DCTN4: variants seen among roughly 807,000 people sequenced by gnomAD.
The protein encoded by DCTN4 is dynactin subunit 4.
Under a neutral mutation model 62.7 loss-of-function variants are expected in DCTN4, and 23 were observed. That is an observed-to-expected ratio of 0.37 (90% CI 0.26 to 0.52). The LOEUF is 0.52. DCTN4 is among the 20% of genes least tolerant of loss of function. The pLI is 0.92. For synonymous variants in DCTN4, 199 were observed against 202.1 expected (o/e 0.98, Z 0.13); for missense variants, 514 against 580.4 (o/e 0.89, Z 1.18).
At position 150,731,442 on chromosome 5, in the gene DCTN4, T is replaced by A. The variant is rs1760365311; in HGVS notation, c.585A>T (p.Ala195=). 1 of 1,613,940 alleles carries A rather than the reference T, an allele frequency of 6.2e-7. No individual in the cohort carries two copies. The part of the protein sequence containing the change: ...GTRLQRPRAG[A]SISTLAGLSL... The stretch of plus-strand genomic sequence containing the variant: ...AAAGTCCGGCAAGGGTACTGATGGA[T>A]GCACCAGCTCGTGGTCGCTGAAGCC... The change falls in exon 6 of 13, where the codon GCA becomes GCT. Residue 195 remains alanine, a synonymous_variant. Coordinates refer to ENST00000447998, the MANE Select transcript of DCTN4 (RefSeq NM_016221.4).
chr5:150,733,381 G>A lies in DCTN4; in HGVS notation c.524C>T (p.Pro175Leu). The change falls in exon 5 of 13, where the codon CCT (proline) becomes CTT (leucine). Residue 175 changes from proline to leucine, a missense_variant. Coordinates refer to ENST00000447998, the MANE Select transcript of DCTN4 (RefSeq NM_016221.4). ...KKLARRRNYM[P>L]LAFSDKYGLG... Reference sequence around the variant, plus strand: ...CCAAATTCTCACCGAAAAAGCCAGAGGCATATAGTTTCTACGTCGTGCCAG... The same window carrying A: ...CCAAATTCTCACCGAAAAAGCCAGAAGCATATAGTTTCTACGTCGTGCCAG... 6.2e-7 allele frequency: 1 copy of A among 1,613,296 alleles called. No homozygotes were observed. The highest frequency in any genetic ancestry group is 8.5e-7 in the Non-Finnish European group (1 of 1,179,534).
chr5:150,746,157 C>T (rs1336623688), intron 3 of DCTN4, among the ~76,000 whole-genome samples: 2 of 151,768 alleles, frequency 1.3e-5, no homozygotes, highest in East Asian at 1.9e-4. Flanking sequence ...GAGAATACTA[C>T]AAACACCTCT....
chr5:150,713,445 CTTTT>C (rs371366897), intron 12 of DCTN4, among the ~76,000 whole-genome samples: 1 of 135,578 alleles, frequency 7.4e-6, no homozygotes, highest in Admixed American at 7.3e-5. Context: ...CTTTTCTTTT[CTTTT>C]TTTTTTTTTT....
At chr5:150,758,815 C>A in intron 1 of DCTN4, 44 bp downstream of exon 1, 1 of 1,598,100 alleles carries the variant, frequency 6.3e-7, no homozygotes. Flanking sequence ...ATGAACGCCG[C>A]GCCCCCCCCA....
intron 1 of DCTN4, chr5:150,758,250 G>A: frequency 1.0e-6 from 1 of 985,570 alleles, no homozygotes; most frequent in Non-Finnish European, 1.2e-6. Flanking sequence ...GCCCACTTGT[G>A]CCAGGGAAGG....
At chr5:150,731,546 CA>C in intron 5 of DCTN4, 57 bp from the exon 6 acceptor site, 12 of 1,399,602 alleles carry the variant, frequency 8.6e-6, no homozygotes, top group Non-Finnish European at 1.2e-5. Context: ...CCCTATTTAT[CA>C]AAAGAAAGAA....
At chr5:150,721,107 G>A (rs1247339303) in intron 9 of DCTN4, among the ~76,000 whole-genome samples, 1 of 152,240 alleles carries the variant, frequency 6.6e-6, no homozygotes, top group Non-Finnish European at 1.5e-5. Flanking sequence ...GACGAGGGAA[G>A]TATGTTTAGA....
At position 150,759,010 on chromosome 5, in the gene DCTN4, G is replaced by A. The variant is rs759532125; in HGVS notation, c.-17C>T. The A allele has an allele frequency of 2.8e-5, 45 of 1,611,942 alleles. 1 individual carries two copies. The highest frequency in any genetic ancestry group is 1.3e-4 in the African/African-American group (10 of 74,866). On this transcript the variant is annotated 5_prime_UTR_variant, in exon 1 of 13. Transcript: ENST00000447998. ...GGACGCCATCTTGGGGAGGGAGGAG[G>A]CGATGACGCTCCCGGCGCATCACGT...
intron 8 of DCTN4, among the ~76,000 whole-genome samples, chr5:150,729,373 A>C (rs186099684): frequency 9.9e-5 from 15 of 152,076 alleles, no homozygotes; most frequent in Non-Finnish European, 2.1e-4. Flanking sequence ...ACTTGAATCT[A>C]TGCTCTCAGG....
Position 150,756,416 on chromosome 5 carries a change from C to T in DCTN4, c.206+1G>A. 6.3e-7 allele frequency: 1 copy of T among 1,587,600 alleles called. No homozygotes were observed. Among genetic ancestry groups the T allele is most frequent in the Non-Finnish European group, 8.6e-7 (1 of 1,168,644 alleles). On this transcript the variant is annotated splice_donor_variant, in intron 2 of 12. Coordinates refer to ENST00000447998, the MANE Select transcript of DCTN4 (RefSeq NM_016221.4). LOFTEE classifies it high-confidence loss of function. ...AAAAAAAAAATCAGTCCAGGTCTTA[C>T]CTATTCTTTTTTAGTTTGGCTTCAG...
chr5:150,715,785 T>C (rs1759737031), intron 11 of DCTN4, 123 bp from the exon 12 acceptor site: 2 of 707,370 alleles, frequency 2.8e-6, no homozygotes, highest in East Asian at 2.7e-5. Context: ...ATACTACTTC[T>C]ATGGAGTTTA....
chr5:150,750,432 T>G (rs758751687), intron 3 of DCTN4, among the ~76,000 whole-genome samples: 1 of 152,196 alleles, frequency 6.6e-6, no homozygotes, highest in African/African-American at 2.4e-5. Context: ...TGTACACAAC[T>G]TATGACTGGC....
At chr5:150,751,247 A>G (rs2113141964) in intron 3 of DCTN4, among the ~76,000 whole-genome samples, 1 of 152,266 alleles carries the variant, frequency 6.6e-6, no homozygotes, top group East Asian at 1.9e-4. Flanking sequence ...TGAGATACCA[A>G]TGACATCAAG....
chr5:150,753,422 G>A (rs1488942138), intron 3 of DCTN4, 57 bp downstream of exon 3: 1 of 1,485,064 alleles, frequency 6.7e-7, no homozygotes, highest in Admixed American at 1.8e-5. Context: ...ATAATCTATG[G>A]GCAATTATAG....
chr5:150,722,792 T>C (rs1759999730), intron 9 of DCTN4, 115 bp downstream of exon 9: 3 of 680,320 alleles, frequency 4.4e-6, no homozygotes, highest in African/African-American at 1.8e-5. Context: ...CAAGATTATT[T>C]TGATGTAATT....
chr5:150,753,654 A>C lies in DCTN4; in HGVS notation c.210T>G (p.Cys70Trp), dbSNP rs1752758141. 1 of 1,608,162 alleles carries C rather than the reference A, an allele frequency of 6.2e-7. No homozygotes were observed. Among genetic ancestry groups the C allele is most frequent in the African/African-American group, 1.3e-5 (1 of 74,804 alleles). ...AGCCAGGACAGTCAAAACAATTGGC[A>C]CATCTGTGACATGACAAACACAACC... ...SAEAKLKKNR[C>W]ANCFDCPGCM... Residue 70 changes from cysteine to tryptophan, a missense_variant, in exon 3 of 13, where the codon TGT becomes TGG. Cys to Trp is a radical substitution (Grantham distance 215, BLOSUM62 -2). Coordinates refer to ENST00000447998, the MANE Select transcript of DCTN4 (RefSeq NM_016221.4).
At chr5:150,741,043 A>AT (rs571378882) in intron 4 of DCTN4, among the ~76,000 whole-genome samples, 39 of 149,334 alleles carry the variant, frequency 2.6e-4, no homozygotes, top group Middle Eastern at 3.5e-3. Context: ...CCAAAAACCT[A>AT]TTTTTTTTTC....
At chr5:150,731,673 A>T in intron 5 of DCTN4, 184 bp from the exon 6 acceptor site, 1 of 638,944 alleles carries the variant, frequency 1.6e-6, no homozygotes, top group Non-Finnish European at 2.7e-6. Flanking sequence ...TTCTTAAAAT[A>T]ATAACAGCAC....
At chr5:150,758,156 A>T in intron 1 of DCTN4, 3 of 985,564 alleles carry the variant, frequency 3.0e-6, no homozygotes, top group Non-Finnish European at 3.6e-6. Flanking sequence ...AAGATGTGCC[A>T]AGCGCTGCAG....
Sources: allele counts gnomAD v4.1 joint callset (sites outside exome capture counted in the v4.1 genomes callset), GRCh38; gene constraint gnomAD v4.1.1; transcripts MANE v1.5; gene names NCBI Gene and HGNC (gene_info 2026-07-23, HGNC 2026-07-21).